The following KANSL3 variants were observed in gnomAD, a reference collection of about 807,000 sequenced individuals.
KANSL3 encodes the protein NSL complex protein NSL3.
Under a neutral mutation model 89.2 loss-of-function variants are expected in KANSL3, and 16 were observed. That is an observed-to-expected ratio of 0.18 (90% CI 0.12 to 0.27). KANSL3 has a LOEUF of 0.27. Among genes scored for constraint, KANSL3 ranks in the 10% least tolerant of loss-of-function variants. The pLI, the probability that KANSL3 is intolerant of heterozygous loss-of-function variation, is 1.00. For synonymous variants in KANSL3, 385 were observed against 419.7 expected, an observed-to-expected ratio of 0.92 and a Z score of 1.01; for missense variants, 879 against 1,110.6, an observed-to-expected ratio of 0.79 and a Z score of 2.96.
At position 96,606,943 on chromosome 2, in the gene KANSL3, G is replaced by A. The variant is rs887471370; in HGVS notation, c.1742-1432C>T. On this transcript the variant is annotated intron_variant, in intron 14 of 20. Coordinates refer to ENST00000431828, the MANE Select transcript of KANSL3 (RefSeq NM_001115016.3). ...GGTTGAGGAGCAGAATGTAGTGGAC[G>A]AGCAGGCAAGAAAGAGTAATACTCA... 4.9e-6 allele frequency: 6 copies of A among 1,228,594 alleles called. No individual in the cohort carries two copies. In the Admixed American group the frequency reaches 6.9e-5, roughly 14 times the overall value. The allele number at this position is 1,228,594 out of a possible 1,614,324, so 76.1% of individuals were successfully genotyped here. A position where few individuals can be genotyped will look rare whatever the true frequency, so the allele number is the denominator to read the frequency against.
At chr2:96,609,160 C>G (rs2068466902) in intron 12 of KANSL3, 96 bp from the exon 13 acceptor site, 1 of 1,122,690 alleles carries the variant, frequency 8.9e-7, no homozygotes, top group Non-Finnish European at 1.3e-6. Context: ...TCTCCCTCAG[C>G]TCTGGCATCC....
At position 96,593,774 on chromosome 2, in the gene KANSL3, A is replaced by C. The variant is rs1200438765; in HGVS notation, c.*1837T>G. 2 of 164,418 alleles carry C rather than the reference A, an allele frequency of 1.2e-5. No individual in the cohort carries two copies. Among genetic ancestry groups the C allele is most frequent in the African/African-American group, 4.8e-5 (2 of 41,822 alleles). 10.2% of individuals were successfully genotyped at this position (164,418 alleles called of 1,614,324 possible). On this transcript the variant is annotated 3_prime_UTR_variant, in exon 21 of 21. Transcript: ENST00000431828. ...GTCCTAAATGATTCCTAAAAGCTTC[A>C]TATAGCTCATATAGTCTTATTGTCC...
At chr2:96,632,995 GCACAAGGGCT>G (rs772121205) in intron 2 of KANSL3, among the ~76,000 whole-genome samples, 9 of 151,334 alleles carry the variant, frequency 5.9e-5, no homozygotes, top group South Asian at 2.1e-4. Flanking sequence ...AAATTACTGG[GCACAAGGGCT>G]CACAAGGGCT....
chr2:96,608,376 C>G, intron 14 of KANSL3, 132 bp downstream of exon 14: 1 of 866,348 alleles, frequency 1.2e-6, no homozygotes, highest in South Asian at 1.8e-5. Context: ...ATTTTGCCTG[C>G]ACAGAAATGT....
At chr2:96,613,860 A>T (rs904384848) in intron 5 of KANSL3, among the ~76,000 whole-genome samples, 1 of 152,176 alleles carries the variant, frequency 6.6e-6, no homozygotes, top group Non-Finnish European at 1.5e-5. Context: ...AAGGGACTTA[A>T]ATGTATTCCC....
Position 96,607,658 on chromosome 2 carries a change from C to G in KANSL3, c.1741+850G>C, listed in dbSNP as rs150506292. Among the ~76,000 whole-genome samples, 239 of 152,328 alleles carry G rather than the reference C, an allele frequency of 1.6e-3. 2 individuals carry two copies. Among genetic ancestry groups the G allele is most frequent in the African/African-American group, 5.4e-3 (224 of 41,566 alleles). ...ACACTTCTACTCCTTGTTAGTACTA[C>G]TCTTATAAGCAAACTCACAAGAGGT... On this transcript the variant is annotated intron_variant, in intron 14 of 20. Coordinates refer to ENST00000431828, the MANE Select transcript of KANSL3 (RefSeq NM_001115016.3).
intron 9 of KANSL3, 139 bp downstream of exon 9, chr2:96,612,143 G>T: frequency 1.5e-6 from 1 of 654,174 alleles, no homozygotes; most frequent in Non-Finnish European, 2.7e-6. Context: ...AATAAAATTT[G>T]TCTTCTACAG....
intron 17 of KANSL3, chr2:96,603,915 G>A (rs974997655): frequency 9.8e-5 from 18 of 183,772 alleles, no homozygotes; most frequent in African/African-American, 4.2e-4. Flanking sequence ...TTTGGTAGTG[G>A]TGAGGGTCCT....
rs374239964 is a variant in KANSL3 at position 96,610,863 on chromosome 2, C to T, written c.1182G>A (p.Leu394=). 3.1e-6 allele frequency: 5 copies of T among 1,613,798 alleles called. No homozygotes were observed. The African/African-American group carries it at 6.7e-5, about 22-fold the overall frequency. Residue 394 remains leucine, a synonymous_variant, in exon 11 of 21, where the codon TTG becomes TTA. Transcript: ENST00000431828. ...GPRGDVDDPL[L]DMKTPVLFVI... ...CAAAGAGGACTGGAGTCTTCATATC[C>T]AAGAGGGGATCATCTACATCCTAAA...
chr2:96,617,867 T>A (rs1032137997), intron 5 of KANSL3, among the ~76,000 whole-genome samples: 3 of 151,624 alleles, frequency 2.0e-5, no homozygotes, highest in African/African-American at 7.3e-5. Context: ...ACGCCTGTAG[T>A]CTCAGCTACT....
intron 3 of KANSL3, chr2:96,628,466 A>G (rs913948351): frequency 6.3e-5 from 12 of 190,674 alleles, no homozygotes; most frequent in Middle Eastern, 2.4e-3. Context: ...CCTAGGCAAC[A>G]TGGTGAAACC....
At chr2:96,590,680 AT>A (rs771801136), downstream of KANSL3, among the ~76,000 whole-genome samples, 3 of 151,694 alleles carry the variant, frequency 2.0e-5, no homozygotes, top group Non-Finnish European at 4.4e-5. Context: ...TCATGTTCTC[AT>A]TTTAAAAACT....
At chr2:96,602,644 G>A in intron 18 of KANSL3, 109 bp downstream of exon 18, 2 of 849,010 alleles carry the variant, frequency 2.4e-6, no homozygotes, top group Non-Finnish European at 3.7e-6. Flanking sequence ...CTAGAAGGCT[G>A]TTTGTCCTTG....
chr2:96,583,579 T>C, the KANSL3 span, among the ~76,000 whole-genome samples: 3 of 152,216 alleles, frequency 2.0e-5, no homozygotes, highest in South Asian at 2.1e-4. Context: ...ATCCAGGTCA[T>C]TGCATGTCAG....
intron 20 of KANSL3, chr2:96,598,068 T>C (rs1229692965): frequency 7.1e-6 from 7 of 984,320 alleles, no homozygotes; most frequent in Non-Finnish European, 8.4e-6. Context: ...CATGGCAAGC[T>C]GAGACGGATT....
rs377192719 is a variant in KANSL3 at position 96,611,109 on chromosome 2, A to G, written c.1116T>C (p.Val372=). ...TAAGCAGAGGAAACCCAAGGCAGAC[A>G]ACTGCAGTGACATACTCCATTACTG... ...HVSVMEYVTA[V]VCLGFPLLTV... The change falls in exon 10 of 21, where the codon GTT becomes GTC. Residue 372 remains valine, a synonymous_variant. Coordinates refer to ENST00000431828, the MANE Select transcript of KANSL3 (RefSeq NM_001115016.3). 4.3e-6 allele frequency: 7 copies of G among 1,614,014 alleles called. No individual in the cohort carries two copies. The highest frequency in any genetic ancestry group is 5.9e-6 in the Non-Finnish European group (7 of 1,179,842).
chr2:96,613,545 A>G lies in KANSL3; in HGVS notation c.738T>C (p.Ser246=). The G allele has an allele frequency of 1.2e-6, 2 of 1,613,476 alleles. No homozygotes were observed. The highest frequency in any genetic ancestry group is 1.7e-6 in the Non-Finnish European group (2 of 1,179,666). The change falls in exon 6 of 21, where the codon TCT becomes TCC. Residue 246 remains serine (S), a synonymous_variant. Coordinates refer to ENST00000431828, the MANE Select transcript of KANSL3 (RefSeq NM_001115016.3). ...GGTCCCAGGGCCTCTTCAGTAGGAG[A>G]GACAAGGCCTCAGCTCCTGCAGCCC... The part of the protein sequence containing the change: ...KTGAAGAEAL[S]LLLKRPWDPA...
intron 3 of KANSL3, among the ~76,000 whole-genome samples, chr2:96,629,760 C>A (rs1400547648): frequency 6.6e-6 from 1 of 152,206 alleles, no homozygotes. Context: ...TCCCAACTTC[C>A]AACCAGCTTC....
chr2:96,595,681 A>G (rs2066465829), intron 20 of KANSL3, 50 bp from the exon 21 acceptor site: 2 of 1,604,704 alleles, frequency 1.2e-6, no homozygotes, highest in African/African-American at 1.3e-5. Flanking sequence ...ACAGGTTATC[A>G]TCATATTCAG....
Sources: allele counts gnomAD v4.1 joint callset (sites outside exome capture counted in the v4.1 genomes callset), GRCh38; gene constraint gnomAD v4.1.1; transcripts MANE v1.5; gene names NCBI Gene and HGNC (gene_info 2026-07-23, HGNC 2026-07-21).